GOLPH3L: variants seen among roughly 807,000 people sequenced by gnomAD.
GOLPH3L encodes golgi phosphoprotein 3 like.
Under a neutral mutation model 30.3 loss-of-function variants are expected in GOLPH3L, and 22 were observed. The ratio of observed to expected loss-of-function variants is 0.73; its 90% CI spans 0.52 to 1.04. The LOEUF (loss-of-function observed/expected upper bound fraction) is 1.04. Among genes scored for constraint, GOLPH3L ranks in the 50% least tolerant of loss-of-function variants. The pLI is 0.00. For synonymous variants in GOLPH3L, 120 were observed against 128.2 expected, an observed-to-expected ratio of 0.94 and a Z score of 0.43; for missense variants, 303 against 345.8, an observed-to-expected ratio of 0.88 and a Z score of 0.98.
Position 150,694,544 on chromosome 1 carries a change from G to C in GOLPH3L, c.183+112C>G, listed in dbSNP as rs74124970. On this transcript the variant is annotated intron_variant, in intron 2 of 4. Coordinates refer to ENST00000271732, the MANE Select transcript of GOLPH3L (RefSeq NM_018178.6). ...AACTCCTCCATCTTCCAGATGGTTAGAGCACAATTCTAAGACCAATTTATT... is the reference window on the plus strand; with the variant it reads ...AACTCCTCCATCTTCCAGATGGTTACAGCACAATTCTAAGACCAATTTATT... 4,323 of 645,264 alleles carry C rather than the reference G, an allele frequency of 6.7e-3. 125 individuals are homozygous for C. In the African/African-American group the frequency reaches 0.067, roughly 10 times the overall value. The allele number at this position is 645,264 out of a possible 1,614,324, so 40.0% of individuals were successfully genotyped here.
At position 150,694,992 on chromosome 1, in the gene GOLPH3L, G is replaced by GA; in HGVS notation, c.-12-143dup. On this transcript the variant is annotated intron_variant, in intron 1 of 4. Transcript: ENST00000271732. ...GAAAGAAAGGAAGGAGTAATGACCA[G>GA]AAAAAAATGGGTGGGTAATACAGTA... 3 of 576,682 alleles carry GA rather than the reference G, an allele frequency of 5.2e-6. No individual in the cohort carries two copies. In the South Asian group the frequency reaches 7.5e-5, roughly 14 times the overall value. The allele number at this position is 576,682 out of a possible 1,614,324, so 35.7% of individuals were successfully genotyped here.
chr1:150,657,201 C>T (rs958322355), intron 4 of GOLPH3L, among the ~76,000 whole-genome samples: 14 of 152,220 alleles, frequency 9.2e-5, no homozygotes, highest in African/African-American at 3.4e-4. Context: ...GAGTAGAATG[C>T]ACCCTTTTTA....
At chr1:150,694,144 C>A (rs1373219463) in intron 2 of GOLPH3L, 2 of 448,440 alleles carry the variant, frequency 4.5e-6, no homozygotes, top group Middle Eastern at 3.3e-4. Flanking sequence ...CAGGCGTGAG[C>A]CACCGCGTAA....
At chr1:150,683,720 AAAAAAAAAAAAAAG>A (rs1407334076) in intron 2 of GOLPH3L, among the ~76,000 whole-genome samples, 1 of 145,554 alleles carries the variant, frequency 6.9e-6, no homozygotes, top group Non-Finnish European at 1.5e-5. Flanking sequence ...AAAAAAAAAA[AAAAAAAAAAAAAAG>A]AGAGATACTC....
At chr1:150,683,323 T>C (rs1158294057) in intron 2 of GOLPH3L, among the ~76,000 whole-genome samples, 1 of 151,742 alleles carries the variant, frequency 6.6e-6, no homozygotes, top group Non-Finnish European at 1.5e-5. Context: ...GATCACGAGG[T>C]CAGGAGATCG....
chr1:150,671,105 G>T (rs1650633196), intron 2 of GOLPH3L, among the ~76,000 whole-genome samples: 2 of 152,100 alleles, frequency 1.3e-5, no homozygotes, highest in South Asian at 4.1e-4. Flanking sequence ...AGCCGGGCAT[G>T]GTGGCCCGTG....
chr1:150,664,472 G>C (rs1461698881), intron 2 of GOLPH3L, among the ~76,000 whole-genome samples: 2 of 151,048 alleles, frequency 1.3e-5, no homozygotes, highest in African/African-American at 4.9e-5. Flanking sequence ...TCTTTTTTTT[G>C]AGATGGAGGC....
At chr1:150,657,100 A>G (rs1650256058) in intron 4 of GOLPH3L, among the ~76,000 whole-genome samples, 1 of 152,212 alleles carries the variant, frequency 6.6e-6, no homozygotes, top group Non-Finnish European at 1.5e-5. Flanking sequence ...TATGTGGTTC[A>G]TTCCACACAG....
intron 2 of GOLPH3L, among the ~76,000 whole-genome samples, chr1:150,673,560 C>T (rs970892064): frequency 4.9e-5 from 7 of 143,056 alleles, no homozygotes; most frequent in African/African-American, 1.5e-4. Flanking sequence ...TGCAAGACTC[C>T]GTCTCAAAAA....
At chr1:150,659,940 T>G (rs1225007188) in intron 4 of GOLPH3L, among the ~76,000 whole-genome samples, 3 of 151,726 alleles carry the variant, frequency 2.0e-5, no homozygotes. Flanking sequence ...GAGGCTGAGG[T>G]GGGAGGATCC....
rs1484746409 is a variant in GOLPH3L, at chr1:150,661,794, A to G, written c.430+20T>C. The G allele has an allele frequency of 9.7e-7, 1 of 1,028,346 alleles. No homozygotes were observed. Among genetic ancestry groups the G allele is most frequent in the South Asian group, 1.3e-5 (1 of 79,216 alleles). 63.7% of individuals were successfully genotyped at this position (1,028,346 alleles called of 1,614,324 possible). On this transcript the variant is annotated intron_variant, in intron 4 of 4. Transcript: ENST00000271732. ...AGATAACAAAGTGTGAAATTCATATATTATTTTAAGTCATCTTACCAGTGA... is the reference window on the plus strand; with the variant it reads ...AGATAACAAAGTGTGAAATTCATATGTTATTTTAAGTCATCTTACCAGTGA...
At chr1:150,660,203 A>T (rs1035779271) in intron 4 of GOLPH3L, among the ~76,000 whole-genome samples, 2 of 152,186 alleles carry the variant, frequency 1.3e-5, no homozygotes, top group African/African-American at 2.4e-5. Context: ...TCATTTGAAA[A>T]TAAAAATCAA....
chr1:150,655,777 G>A (rs1056880959), intron 4 of GOLPH3L, among the ~76,000 whole-genome samples: 1 of 152,140 alleles, frequency 6.6e-6, no homozygotes, highest in East Asian at 1.9e-4. Context: ...AAAAAATCAG[G>A]TAAATGGAGA....
intron 4 of GOLPH3L, among the ~76,000 whole-genome samples, chr1:150,658,699 C>T (rs998637504): frequency 1.3e-5 from 2 of 152,194 alleles, no homozygotes; most frequent in Non-Finnish European, 2.9e-5. Context: ...GTCATGGCCA[C>T]ACTATGTTCA....
chr1:150,664,222 T>A (rs1425786923), intron 2 of GOLPH3L, among the ~76,000 whole-genome samples: 1 of 152,090 alleles, frequency 6.6e-6, no homozygotes, highest in African/African-American at 2.4e-5. Context: ...TACGCTGGTC[T>A]CGAACTCCTG....
intron 3 of GOLPH3L, 121 bp from the exon 4 acceptor site, chr1:150,662,049 AC>A (rs1650380106): frequency 3.1e-6 from 2 of 649,664 alleles, no homozygotes; most frequent in Non-Finnish European, 5.6e-6. Context: ...AGCATAATAT[AC>A]TGTCTCTGTC....
chr1:150,682,368 C>G (rs937485258), intron 2 of GOLPH3L, among the ~76,000 whole-genome samples: 4 of 151,922 alleles, frequency 2.6e-5, no homozygotes, highest in Non-Finnish European at 4.4e-5. Flanking sequence ...TGGCTCACAC[C>G]TGTAATCCCA....
chr1:150,694,561 C>T (rs905347330), intron 2 of GOLPH3L, 95 bp downstream of exon 2: 10 of 755,642 alleles, frequency 1.3e-5, no homozygotes, highest in Non-Finnish European at 2.1e-5. Flanking sequence ...ATTCTAAGAC[C>T]AATTTATTAT....
At chr1:150,654,516 AAAAC>A (rs1650199106) in intron 4 of GOLPH3L, among the ~76,000 whole-genome samples, 1 of 151,066 alleles carries the variant, frequency 6.6e-6, no homozygotes, top group African/African-American at 2.5e-5. Context: ...TTAAAAAAAA[AAAAC>A]AAAAAAACAA....
Sources: gnomAD v4.1 joint callset for allele counts (sites outside exome capture counted in the v4.1 genomes callset) on GRCh38, gnomAD v4.1.1 for gene constraint, MANE v1.5 for transcripts, NCBI Gene and HGNC (gene_info 2026-07-23, HGNC 2026-07-21) for gene names.